FOXP4: variants seen among roughly 807,000 people sequenced by gnomAD.
FOXP4 encodes the protein forkhead box P4.
FOXP4 carries 25 observed loss-of-function variants against 82.6 expected under a neutral mutation model. The ratio of observed to expected loss-of-function variants is 0.30; its 90% CI spans 0.22 to 0.42. The LOEUF (loss-of-function observed/expected upper bound fraction) is 0.42. Ranked by LOEUF, FOXP4 falls within the 10% of genes least tolerant of loss-of-function variation. FOXP4 has a pLI of 1.00. For missense variants in FOXP4, 785 were observed against 900.9 expected (o/e 0.87, Z 1.65); for synonymous variants, 415 against 388.2 (o/e 1.07, Z -0.81).
intron 2 of FOXP4, among the ~76,000 whole-genome samples, chr6:41,571,435 C>A (rs1274864584): frequency 1.3e-5 from 2 of 152,190 alleles, no homozygotes; most frequent in Non-Finnish European, 2.9e-5. Context: ...GCTGTAAATT[C>A]TCATCTCTCT....
intron 2 of FOXP4, among the ~76,000 whole-genome samples, chr6:41,575,275 T>C (rs1765413581): frequency 6.6e-6 from 1 of 152,190 alleles, no homozygotes; most frequent in African/African-American, 2.4e-5. Context: ...GCTATCATTC[T>C]TTATATTAGA....
chr6:41,556,117 AG>A, intron 1 of FOXP4, among the ~76,000 whole-genome samples: 1 of 151,880 alleles, frequency 6.6e-6, no homozygotes, highest in Non-Finnish European at 1.5e-5. Context: ...TGACTCGGGG[AG>A]TTAGGACGCG....
chr6:41,582,873 C>T (rs191236713), intron 3 of FOXP4, among the ~76,000 whole-genome samples: 9 of 152,282 alleles, frequency 5.9e-5, no homozygotes, highest in Non-Finnish European at 4.4e-5. Context: ...CTAACCCTTC[C>T]CAAGACCTGC....
intron 2 of FOXP4, among the ~76,000 whole-genome samples, chr6:41,568,643 G>A (rs1253315091): frequency 1.3e-5 from 2 of 152,188 alleles, no homozygotes; most frequent in Non-Finnish European, 2.9e-5. Context: ...AGGAAGTGGG[G>A]TAGGAGAGGG....
At chr6:41,566,931 C>T (rs920381543) in intron 2 of FOXP4, among the ~76,000 whole-genome samples, 3 of 152,232 alleles carry the variant, frequency 2.0e-5, no homozygotes, top group African/African-American at 7.2e-5. Flanking sequence ...ATGTGCTCCT[C>T]CATGGCCCTG....
rs543755117 is a variant in FOXP4 at position 41,578,509 on chromosome 6, C to T, written c.300+428C>T. On this transcript the variant is annotated intron_variant, in intron 3 of 16. Transcript: ENST00000307972. The stretch of plus-strand genomic sequence containing the variant: ...CAGGCCATCTCTGTTGCTGCAGTCA[C>T]GTCACCAAGTCCCCCCTTCTCTTAT... Among the ~76,000 whole-genome samples, 6 of 152,248 alleles carry T rather than the reference C, an allele frequency of 3.9e-5. No homozygotes were observed. The East Asian group carries it at 5.8e-4, about 15-fold the overall frequency.
rs1212191793 is a variant in FOXP4 at position 41,587,771 on chromosome 6, C to T, written c.873-22C>T. On this transcript the variant is annotated intron_variant, in intron 7 of 16. Coordinates refer to ENST00000307972, the MANE Select transcript of FOXP4 (RefSeq NM_001012426.2). ...GGGGTCTTCAGGGTCCCTGATCGGC[C>T]ACCTCCCTGCTGTCCTCCCAGCTCT... 3.3e-6 allele frequency: 5 copies of T among 1,508,328 alleles called. No homozygotes were observed. In the South Asian group the frequency reaches 4.8e-5, roughly 15 times the overall value. The allele number at this position is 1,508,328 out of a possible 1,614,324, so 93.4% of individuals were successfully genotyped here. A position where few individuals can be genotyped will look rare whatever the true frequency, so the allele number is the denominator to read the frequency against.
intron 3 of FOXP4, among the ~76,000 whole-genome samples, chr6:41,580,134 C>T (rs924192413): frequency 7.9e-5 from 12 of 151,838 alleles, no homozygotes; most frequent in Admixed American, 1.3e-4. Context: ...CTCTGCCTCC[C>T]GGGTTCAAGC....
At chr6:41,587,198 AGCCCT>A (rs1766187896) in intron 6 of FOXP4, 42 bp downstream of exon 6, 1 of 1,609,108 alleles carries the variant, frequency 6.2e-7, no homozygotes, top group Admixed American at 1.7e-5. Context: ...CCAACCCCAC[AGCCCT>A]GCCTGTACGC....
rs138778413 is a variant in FOXP4, at chr6:41,602,110, C to T, written c.*3174C>T. On this transcript the variant is annotated 3_prime_UTR_variant, in exon 17 of 17. Coordinates refer to ENST00000307972, the MANE Select transcript of FOXP4 (RefSeq NM_001012426.2). Reference sequence around the variant, plus strand: ...GTCTCACCTTCATCCACTCTGCAGGCCTGCTCCACCACAGCCCTAATCCTC... The same window carrying T: ...GTCTCACCTTCATCCACTCTGCAGGTCTGCTCCACCACAGCCCTAATCCTC... 0.016 allele frequency: 2,396 copies of T among 152,476 alleles called. 38 individuals are homozygous for T. The highest frequency in any genetic ancestry group is 0.021 in the Non-Finnish European group (1,399 of 68,150). The allele number at this position is 152,476 out of a possible 1,614,324, so 9.4% of individuals were successfully genotyped here.
chr6:41,569,078 C>G (rs1283963987), intron 2 of FOXP4, among the ~76,000 whole-genome samples: 2 of 152,216 alleles, frequency 1.3e-5, no homozygotes, highest in Non-Finnish European at 2.9e-5. Flanking sequence ...TTCATCCCAG[C>G]CTGGTCATTG....
chr6:41,571,242 G>A (rs1256777033), intron 2 of FOXP4, among the ~76,000 whole-genome samples: 1 of 152,238 alleles, frequency 6.6e-6, no homozygotes, highest in Non-Finnish European at 1.5e-5. Flanking sequence ...ATGACACCCT[G>A]CAGAGCTGGT....
chr6:41,595,199 T>C (rs913615332), intron 14 of FOXP4, among the ~76,000 whole-genome samples: 1 of 152,198 alleles, frequency 6.6e-6, no homozygotes, highest in African/African-American at 2.4e-5. Flanking sequence ...GGCAGACATT[T>C]ATGTCCTCTT....
intron 1 of FOXP4, among the ~76,000 whole-genome samples, chr6:41,563,846 T>G (rs1342185376): frequency 2.0e-5 from 3 of 152,244 alleles, no homozygotes; most frequent in African/African-American, 4.8e-5. Flanking sequence ...ATTTGCAGTG[T>G]GCAGGACCCA....
At position 41,578,091 on chromosome 6, in the gene FOXP4, A is replaced by G. The variant is rs1765589391; in HGVS notation, c.300+10A>G. ...TGCCTCTGCTGTGCAGGTGAGGAAG[A>G]GAGCACCCCGCTGGCTCTGGGTTGG... On this transcript the variant is annotated intron_variant, in intron 3 of 16. Coordinates refer to ENST00000307972, the MANE Select transcript of FOXP4 (RefSeq NM_001012426.2). 5.6e-6 allele frequency: 9 copies of G among 1,611,708 alleles called. No homozygotes were observed. The highest frequency in any genetic ancestry group is 5.9e-6 in the Non-Finnish European group (7 of 1,178,704).
rs1764425924 is a variant in FOXP4, at chr6:41,558,995, G to A, written c.-16-6750G>A. ...ATGTATTTCAAAGGTTTTTCATTCT[G>A]GAAAAGTCTGAAACCGACGACCCTT... is the stretch of plus-strand genomic sequence containing the variant. On this transcript the variant is annotated intron_variant, in intron 1 of 16. Coordinates refer to ENST00000307972, the MANE Select transcript of FOXP4 (RefSeq NM_001012426.2). This position sits in a 1 kb window ranked among gnomAD's most constrained non-coding sequence, Gnocchi z 4.0. 6.6e-6 allele frequency among the ~76,000 whole-genome samples: 1 copy of A among 152,176 alleles called. No homozygotes were observed. The highest frequency in any genetic ancestry group is 2.4e-5 in the African/African-American group (1 of 41,436).
intron 1 of FOXP4, among the ~76,000 whole-genome samples, chr6:41,563,485 G>A (rs4714484): frequency 0.18 from 27,602 of 152,122 alleles, 2,557 homozygotes; most frequent in Admixed American, 0.23. Flanking sequence ...CAGGGAGACC[G>A]TGTGGTTATA....
chr6:41,559,524 G>C (rs1214096900), intron 1 of FOXP4, among the ~76,000 whole-genome samples: 1 of 152,190 alleles, frequency 6.6e-6, no homozygotes, highest in Non-Finnish European at 1.5e-5. Context: ...AGAAAAAAAA[G>C]AGAAGGGGCT....
At position 41,588,596 on chromosome 6, in the gene FOXP4, G is replaced by T. The variant is rs368501417; in HGVS notation, c.978-48G>T. 4 of 1,574,154 alleles carry T rather than the reference G, an allele frequency of 2.5e-6. No homozygotes were observed. In the African/African-American group the frequency reaches 5.4e-5, roughly 21 times the overall value. Reference sequence around the variant, plus strand: ...AGGATAGGATGGGAGGATGGTGGCAGCAGGGAAACCGGAGCCAACTTTCTC... The same window carrying T: ...AGGATAGGATGGGAGGATGGTGGCATCAGGGAAACCGGAGCCAACTTTCTC... On this transcript the variant is annotated intron_variant, in intron 8 of 16. Coordinates refer to ENST00000307972, the MANE Select transcript of FOXP4 (RefSeq NM_001012426.2).
Sources: gnomAD v4.1 joint callset for allele counts (sites outside exome capture counted in the v4.1 genomes callset) on GRCh38, gnomAD v4.1.1 for gene constraint, Gnocchi (gnomAD v3.1) non-coding constraint, MANE v1.5 for transcripts, NCBI Gene and HGNC (gene_info 2026-07-23, HGNC 2026-07-21) for gene names.